The following HSP90AA1 variants were observed in gnomAD, a reference collection of about 807,000 sequenced individuals.
The protein encoded by HSP90AA1 is heat shock protein HSP 90-alpha.
In HSP90AA1, 18 loss-of-function variants were observed where a neutral mutation model predicts 73.3. The ratio of observed to expected loss-of-function variants is 0.25; its 90% CI spans 0.17 to 0.36. The LOEUF is 0.36. Ranked by LOEUF, HSP90AA1 falls within the 10% of genes least tolerant of loss-of-function variation. The probability of loss-of-function intolerance (pLI) is 1.00; values close to 1 mark genes in which losing one functional copy is unlikely to be tolerated. For synonymous variants in HSP90AA1, 477 were observed against 296.9 expected (o/e 1.61, Z -6.24); for missense variants, 704 against 874.2 (o/e 0.81, Z 2.45).
chr14:102,082,084 T>C (rs377417086), intron 10 of HSP90AA1, 27 bp downstream of exon 10: 283 of 1,474,658 alleles, frequency 1.9e-4, no homozygotes, highest in Non-Finnish European at 2.5e-4. Flanking sequence ...TTATTTTCTT[T>C]TTAACATTAC....
At chr14:102,139,663 C>T in exon 1 of HSP90AA1, 1 of 649,646 alleles carries the variant, frequency 1.5e-6, no homozygotes, top group Non-Finnish European at 2.6e-6. Context: ...TGGGAAGCAG[C>T]CATGCCGCCC....
chr14:102,098,873 C>G (rs1328340581), intron 2 of HSP90AA1, among the ~76,000 whole-genome samples: 1 of 152,176 alleles, frequency 6.6e-6, no homozygotes, highest in East Asian at 1.9e-4. Context: ...AGGGATGGGA[C>G]AGTTGGACCA....
exon 1 of HSP90AA1, chr14:102,139,431 T>G (rs1595694045): frequency 6.6e-7 from 1 of 1,518,880 alleles, no homozygotes; most frequent in African/African-American, 1.4e-5. Flanking sequence ...GTACCCCGCG[T>G]GCTGGCTCCG....
chr14:102,103,388 A>C (rs2049522194), intron 1 of HSP90AA1, among the ~76,000 whole-genome samples: 1 of 151,884 alleles, frequency 6.6e-6, no homozygotes, highest in Admixed American at 6.6e-5. Context: ...GGCTAATTTT[A>C]AGAAAAATGT....
rs545021767 is a variant in HSP90AA1, at chr14:102,122,699, A to T, written c.155+16551T>A. ...TATATATTTTTTGAGACAGAGTCTC[A>T]CTCTGTTGCCCAGGCTGGAGCGCAA... On this transcript the variant is annotated intron_variant, in intron 1 of 11. Transcript: ENST00000334701. Among the ~76,000 whole-genome samples the T allele has an allele frequency of 1.3e-4, 19 of 144,788 alleles. 1 individual carries two copies. In the South Asian group the frequency reaches 4.3e-3, roughly 32 times the overall value. 95.0% of individuals were successfully genotyped at this position (144,788 alleles called of 152,430 possible).
intron 1 of HSP90AA1, 41 bp downstream of exon 1, chr14:102,086,945 T>A: frequency 3.1e-6 from 3 of 953,820 alleles, no homozygotes; most frequent in Non-Finnish European, 3.7e-6. Context: ...CCAGTCCCGG[T>A]CCCCAGTCCA....
intron 6 of HSP90AA1, 121 bp from the exon 7 acceptor site, chr14:102,084,104 C>T (rs2049162772): frequency 4.7e-6 from 4 of 858,380 alleles, no homozygotes; most frequent in Non-Finnish European, 7.7e-6. Flanking sequence ...CAGTCTCACT[C>T]TGTTGCCCAG....
chr14:102,126,186 C>T (rs986851299), intron 1 of HSP90AA1, among the ~76,000 whole-genome samples: 2 of 152,176 alleles, frequency 1.3e-5, no homozygotes, highest in African/African-American at 2.4e-5. Context: ...CTGGGATGAG[C>T]GGCCTTCTAT....
chr14:102,138,602 T>G (rs2050101434), intron 1 of HSP90AA1, among the ~76,000 whole-genome samples: 2 of 152,214 alleles, frequency 1.3e-5, no homozygotes, highest in Non-Finnish European at 2.9e-5. Flanking sequence ...CTACTTGCTT[T>G]TTAATACGGA....
intron 2 of HSP90AA1, among the ~76,000 whole-genome samples, chr14:102,092,584 A>G (rs958521683): frequency 2.6e-5 from 4 of 152,156 alleles, no homozygotes; most frequent in Admixed American, 2.6e-4. Flanking sequence ...CAAAAAGCAG[A>G]TCACTGGTTG....
At chr14:102,118,048 G>A (rs1252358799) in intron 1 of HSP90AA1, among the ~76,000 whole-genome samples, 1 of 152,188 alleles carries the variant, frequency 6.6e-6, no homozygotes, top group Non-Finnish European at 1.5e-5. Flanking sequence ...TGACTGCACA[G>A]TGGCTGGACT....
intron 9 of HSP90AA1, 162 bp downstream of exon 9, chr14:102,082,872 G>A (rs2049130852): frequency 1.4e-6 from 1 of 732,280 alleles, no homozygotes; most frequent in Non-Finnish European, 2.4e-6. Context: ...CGCTGCCTCA[G>A]CCTCCCAAAG....
At chr14:102,103,367 C>A (rs1033520289) in intron 1 of HSP90AA1, among the ~76,000 whole-genome samples, 2 of 151,806 alleles carry the variant, frequency 1.3e-5, no homozygotes, top group African/African-American at 4.8e-5. Context: ...CAGCCGCACA[C>A]TACCATGTCT....
chr14:102,084,375 A>T (rs528784252), intron 6 of HSP90AA1, 24 bp downstream of exon 6: 1 of 1,604,474 alleles, frequency 6.2e-7, no homozygotes, highest in South Asian at 1.1e-5. Flanking sequence ...AGTGACAGTG[A>T]TTATTTTTCC....
chr14:102,093,762 C>G (rs1327303193), intron 2 of HSP90AA1, among the ~76,000 whole-genome samples: 2 of 152,130 alleles, frequency 1.3e-5, no homozygotes, highest in African/African-American at 4.8e-5. Context: ...CACCTGAGGT[C>G]AGGAGTTAGA....
chr14:102,118,665 A>G (rs1224958331), intron 1 of HSP90AA1, among the ~76,000 whole-genome samples: 1 of 152,140 alleles, frequency 6.6e-6, no homozygotes, highest in African/African-American at 2.4e-5. Flanking sequence ...ATAACATTTT[A>G]AAAATCACAT....
At chr14:102,085,172 T>A (rs2049195980) in intron 4 of HSP90AA1, 126 bp downstream of exon 4, 1 of 1,424,616 alleles carries the variant, frequency 7.0e-7, no homozygotes, top group South Asian at 1.2e-5. Flanking sequence ...TTTACAGAGT[T>A]AGGTAGTAGA....
At chr14:102,086,668 G>A (rs1325429681) in intron 1 of HSP90AA1, among the ~76,000 whole-genome samples, 7 of 150,846 alleles carry the variant, frequency 4.6e-5, no homozygotes, top group South Asian at 4.1e-4. Context: ...GCTCCGCCAC[G>A]GCGGCCTCCT....
rs892167012 is a variant in HSP90AA1, at chr14:102,085,209, G to A, written c.663+89C>T. 7.5e-6 allele frequency: 11 copies of A among 1,476,246 alleles called. No homozygotes were observed. The African/African-American group carries it at 8.3e-5, about 11-fold the overall frequency. 91.4% of individuals were successfully genotyped at this position (1,476,246 alleles called of 1,614,324 possible). A position where few individuals can be genotyped will look rare whatever the true frequency, so the allele number is the denominator to read the frequency against. On this transcript the variant is annotated intron_variant, in intron 4 of 10. Coordinates refer to ENST00000216281, the MANE Select transcript of HSP90AA1 (RefSeq NM_005348.4). ...CTTAGGTTCCCCAGGCTTCAGACTAGTTGAACAGATCTAGGGACTAAGGAT... is the reference window on the plus strand; with the variant it reads ...CTTAGGTTCCCCAGGCTTCAGACTAATTGAACAGATCTAGGGACTAAGGAT...
Sources: allele counts gnomAD v4.1 joint callset (sites outside exome capture counted in the v4.1 genomes callset), GRCh38; gene constraint gnomAD v4.1.1; transcripts MANE v1.5; gene names NCBI Gene and HGNC (gene_info 2026-07-23, HGNC 2026-07-21).